DLEU7: variants seen among roughly 807,000 people sequenced by gnomAD.
DLEU7 encodes leukemia-associated protein 7.
A neutral mutation model predicts 16.0 loss-of-function variants in DLEU7; 17 were observed. The ratio of observed to expected loss-of-function variants is 1.06; its 90% CI spans 0.73 to 1.59. DLEU7 has a LOEUF of 1.59. Ranked by LOEUF, DLEU7 falls within the 40% of genes most tolerant of loss-of-function variation. DLEU7 has a pLI of 0.00. For missense variants in DLEU7, 308 were observed against 314.9 expected (o/e 0.98, Z 0.17); for synonymous variants, 113 against 139.8 (o/e 0.81, Z 1.35).
chr13:50,774,497 A>G (rs1481749711), intron 1 of DLEU7, among the ~76,000 whole-genome samples: 1 of 152,184 alleles, frequency 6.6e-6, no homozygotes, highest in Admixed American at 6.5e-5. Flanking sequence ...ACACTTCTAC[A>G]TAATATGTCT....
intron 1 of DLEU7, among the ~76,000 whole-genome samples, chr13:50,825,177 T>C (rs1877046039): frequency 6.6e-6 from 1 of 152,168 alleles, no homozygotes; most frequent in African/African-American, 2.4e-5. Flanking sequence ...GCATGCTTTA[T>C]CAAATAAAAA....
intron 1 of DLEU7, among the ~76,000 whole-genome samples, chr13:50,755,109 A>G (rs1231303015): frequency 2.6e-5 from 4 of 152,218 alleles, no homozygotes; most frequent in African/African-American, 9.6e-5. Flanking sequence ...CCTTTGTCTC[A>G]TAGCTCTTAA....
At chr13:50,759,840 A>G (rs1207098315) in intron 1 of DLEU7, among the ~76,000 whole-genome samples, 1 of 151,780 alleles carries the variant, frequency 6.6e-6, no homozygotes, top group Non-Finnish European at 1.5e-5. Context: ...CTCTTTGGCC[A>G]CCCCTCCACA....
intron 1 of DLEU7, among the ~76,000 whole-genome samples, chr13:50,769,082 T>C (rs1875209886): frequency 6.6e-6 from 1 of 152,268 alleles, no homozygotes; most frequent in Non-Finnish European, 1.5e-5. Context: ...ATAAATGTCT[T>C]CTTTTGAGAA....
At chr13:50,804,023 G>A (rs1876321131) in intron 1 of DLEU7, among the ~76,000 whole-genome samples, 1 of 152,046 alleles carries the variant, frequency 6.6e-6, no homozygotes, top group Admixed American at 6.6e-5. Flanking sequence ...TTTGATGTAA[G>A]GTCTGAGGTT....
chr13:50,738,989 ACACACACACACACACG>A (rs1428047976), intron 1 of DLEU7, among the ~76,000 whole-genome samples: 3 of 104,792 alleles, frequency 2.9e-5, no homozygotes, highest in African/African-American at 6.0e-5. Context: ...ACACACACAC[ACACACACACACACACG>A]CACACACACA....
chr13:50,735,125 A>G (rs1246860739), intron 1 of DLEU7, among the ~76,000 whole-genome samples: 1 of 152,166 alleles, frequency 6.6e-6, no homozygotes, highest in Admixed American at 6.6e-5. Flanking sequence ...GTGTATGTAT[A>G]ATAACAGAGT....
chr13:50,785,682 C>A (rs1369528819), intron 1 of DLEU7, among the ~76,000 whole-genome samples: 2 of 152,216 alleles, frequency 1.3e-5, no homozygotes, highest in Admixed American at 1.3e-4. Flanking sequence ...TCCTTCTTCT[C>A]TGGGCTGTAG....
intron 1 of DLEU7, chr13:50,808,051 C>T (rs968890951): frequency 1.3e-5 from 2 of 152,202 alleles, no homozygotes; most frequent in African/African-American, 4.8e-5. Context: ...GATCAAACAG[C>T]AAATGGAGCT....
At chr13:50,839,668 T>G (rs1057132261) in intron 1 of DLEU7, among the ~76,000 whole-genome samples, 1 of 152,152 alleles carries the variant, frequency 6.6e-6, no homozygotes, top group Admixed American at 6.5e-5. Flanking sequence ...TAAGTCTGTT[T>G]TTGTCAATAG....
intron 1 of DLEU7, among the ~76,000 whole-genome samples, chr13:50,810,024 A>G (rs1593404233): frequency 9.7e-6 from 1 of 102,984 alleles, no homozygotes; most frequent in Non-Finnish European, 2.2e-5. Context: ...TTGGGGTAGC[A>G]CTTTTTTTTT....
intron 1 of DLEU7, among the ~76,000 whole-genome samples, chr13:50,751,027 A>G (rs967295369): frequency 4.6e-5 from 7 of 152,164 alleles, no homozygotes; most frequent in Admixed American, 1.3e-4. Context: ...CTCAGAGGGA[A>G]TGCTTTCAAC....
chr13:50,807,223 T>G (rs1384028080), intron 1 of DLEU7, among the ~76,000 whole-genome samples: 1 of 152,096 alleles, frequency 6.6e-6, no homozygotes, highest in East Asian at 1.9e-4. Flanking sequence ...CTTTAGTAGA[T>G]GAGCAGAAAT....
intron 1 of DLEU7, among the ~76,000 whole-genome samples, chr13:50,756,066 T>A (rs1231870121): frequency 6.6e-6 from 1 of 152,212 alleles, no homozygotes; most frequent in Non-Finnish European, 1.5e-5. Context: ...TGATGTGAAC[T>A]GTCTATGGGT....
intron 1 of DLEU7, among the ~76,000 whole-genome samples, chr13:50,734,590 T>C (rs1385941363): frequency 6.6e-6 from 1 of 152,090 alleles, no homozygotes; most frequent in Non-Finnish European, 1.5e-5. Flanking sequence ...TATTAACATT[T>C]AGAAAAACCT....
At position 50,747,619 on chromosome 13, in the gene DLEU7, G is replaced by A. The variant is rs539357182; in HGVS notation, c.460-34379C>T. 4.7e-4 allele frequency among the ~76,000 whole-genome samples: 72 copies of A among 151,986 alleles called. No homozygotes were observed. In the South Asian group the frequency reaches 5.6e-3, roughly 12 times the overall value. ...ACAGGTTGTCACCACTTCCCATTCCGCCACTCATCTGATGCCCCTCTAGTG... is the reference window on the plus strand; with the variant it reads ...ACAGGTTGTCACCACTTCCCATTCCACCACTCATCTGATGCCCCTCTAGTG... On this transcript the variant is annotated intron_variant, in intron 1 of 1. Transcript: ENST00000400393.
At chr13:50,836,397 G>A (rs112871368) in intron 1 of DLEU7, among the ~76,000 whole-genome samples, 4 of 152,120 alleles carry the variant, frequency 2.6e-5, no homozygotes, top group African/African-American at 9.7e-5. Context: ...AAAAGAGGCC[G>A]GGCATGGTGG....
chr13:50,768,986 G>T (rs1300624823), intron 1 of DLEU7, among the ~76,000 whole-genome samples: 1 of 152,204 alleles, frequency 6.6e-6, no homozygotes, highest in Non-Finnish European at 1.5e-5. Context: ...TCTAACTGGT[G>T]TGAGATGGTA....
intron 1 of DLEU7, among the ~76,000 whole-genome samples, chr13:50,787,990 C>T (rs1292415336): frequency 6.6e-6 from 1 of 152,188 alleles, no homozygotes; most frequent in Non-Finnish European, 1.5e-5. Context: ...CTACATTTCC[C>T]TCCTTTCCAC....
Sources: gnomAD v4.1 joint callset for allele counts (sites outside exome capture counted in the v4.1 genomes callset) on GRCh38, gnomAD v4.1.1 for gene constraint, MANE v1.5 for transcripts, NCBI Gene and HGNC (gene_info 2026-07-23, HGNC 2026-07-21) for gene names.